The following ARSK variants were observed in gnomAD, a reference collection of about 807,000 sequenced individuals.
The protein encoded by ARSK is arylsulfatase K.
In ARSK, 37 loss-of-function variants were observed where a neutral mutation model predicts 53.2. That is an observed-to-expected ratio of 0.70 (90% CI 0.54 to 0.92). The LOEUF (loss-of-function observed/expected upper bound fraction) is 0.92, where lower values mean the gene tolerates loss of function less well. ARSK is among the 40% of genes least tolerant of loss of function. The probability of loss-of-function intolerance (pLI) is 0.00; values close to 1 mark genes in which losing one functional copy is unlikely to be tolerated. For synonymous variants in ARSK, 208 were observed against 223.2 expected, an observed-to-expected ratio of 0.93 and a Z score of 0.61; for missense variants, 613 against 643.0, an observed-to-expected ratio of 0.95 and a Z score of 0.51.
chr5:95,601,185 T>G (rs1749397485), intron 7 of ARSK, 114 bp downstream of exon 7: 1 of 1,039,122 alleles, frequency 9.6e-7, no homozygotes, highest in African/African-American at 1.6e-5. Flanking sequence ...CTGCTGCTTC[T>G]CATGCTAGGA....
rs570813944 is a variant in ARSK at position 95,563,076 on chromosome 5, G to A, written c.127-2922G>A. Among the ~76,000 whole-genome samples the A allele has an allele frequency of 5.9e-5, 9 of 152,292 alleles. No homozygotes were observed. In the East Asian group the frequency reaches 1.7e-3, roughly 29 times the overall value. ...CCGTCTCCCATTGATACCATTATCA[G>A]CAGTACTAGTAGTAGCCTAGTTTTT... On this transcript the variant is annotated intron_variant, in intron 1 of 7. Coordinates refer to ENST00000380009, the MANE Select transcript of ARSK (RefSeq NM_198150.3).
At chr5:95,559,150 A>G (rs1025016464) in intron 1 of ARSK, among the ~76,000 whole-genome samples, 8 of 152,206 alleles carry the variant, frequency 5.3e-5, no homozygotes, top group Non-Finnish European at 1.2e-4. Flanking sequence ...CAAAAAACAA[A>G]AACAAAAAAA....
intron 6 of ARSK, among the ~76,000 whole-genome samples, chr5:95,597,915 G>C (rs1749341281): frequency 7.4e-6 from 1 of 134,496 alleles, no homozygotes; most frequent in South Asian, 2.6e-4. Context: ...GTGGGGGGCG[G>C]GTAATAGTGG....
chr5:95,566,985 A>C (rs1255334924), intron 2 of ARSK, among the ~76,000 whole-genome samples: 1 of 152,234 alleles, frequency 6.6e-6, no homozygotes, highest in Non-Finnish European at 1.5e-5. Context: ...CAGGCATATT[A>C]AAAAACAGTT....
intron 5 of ARSK, among the ~76,000 whole-genome samples, chr5:95,590,313 C>T (rs1283310005): frequency 6.6e-6 from 1 of 152,038 alleles, no homozygotes; most frequent in African/African-American, 2.4e-5. Flanking sequence ...AGGTTCTGAG[C>T]AGGTTAGGAT....
rs1196877834 is a variant in ARSK, at chr5:95,600,986, G to A, written c.1236G>A (p.Val412=). Residue 412 remains valine, a synonymous_variant, in exon 7 of 8, where the codon GTG becomes GTA. Coordinates refer to ENST00000380009, the MANE Select transcript of ARSK (RefSeq NM_198150.3). ...WILSEFHGCN[V]NASTYMLRTN... The stretch of plus-strand genomic sequence containing the variant: ...TGAGTGAATTCCATGGATGTAATGT[G>A]AATGCCTCCACCTACATGCTTCGAA... The A allele has an allele frequency of 6.2e-7, 1 of 1,613,928 alleles. No individual in the cohort carries two copies. The highest frequency in any genetic ancestry group is 1.3e-5 in the African/African-American group (1 of 74,906).
chr5:95,566,662 T>C (rs1028940547), intron 2 of ARSK, among the ~76,000 whole-genome samples: 26 of 152,212 alleles, frequency 1.7e-4, no homozygotes, highest in African/African-American at 6.0e-4. Context: ...CAAATAGGCA[T>C]AGTTTTATTG....
chr5:95,570,338 A>C (rs1748804883), intron 3 of ARSK, among the ~76,000 whole-genome samples: 1 of 152,196 alleles, frequency 6.6e-6, no homozygotes, highest in African/African-American at 2.4e-5. Flanking sequence ...GGACTATTGC[A>C]TGAGCTAGTT....
At chr5:95,602,569 T>C (rs1749421363) in intron 7 of ARSK, among the ~76,000 whole-genome samples, 1 of 152,218 alleles carries the variant, frequency 6.6e-6, no homozygotes, top group Admixed American at 6.5e-5. Flanking sequence ...TTAATTGTCA[T>C]AAGATCTCTG....
In ARSK at chr5:95,564,746, C is replaced by T. The variant is rs370646066; in HGVS notation, c.127-1252C>T. On this transcript the variant is annotated intron_variant, in intron 1 of 7. Transcript: ENST00000380009. The stretch of plus-strand genomic sequence containing the variant: ...CACTGCCTTCTCTCAGCTGTCATGG[C>T]ACTCGGTCTCCTCACATCTTCCTCC... 1.8e-4 allele frequency among the ~76,000 whole-genome samples: 28 copies of T among 152,310 alleles called. 1 individual carries two copies. Among genetic ancestry groups the T allele is most frequent in the Middle Eastern group, 3.4e-3 (1 of 294 alleles).
At chr5:95,569,625 G>A (rs1748790883) in intron 3 of ARSK, among the ~76,000 whole-genome samples, 1 of 152,218 alleles carries the variant, frequency 6.6e-6, no homozygotes. Context: ...TTCTGCCAGA[G>A]TCTTCAGAGG....
At chr5:95,576,597 G>T (rs1235674956) in intron 3 of ARSK, among the ~76,000 whole-genome samples, 2 of 151,632 alleles carry the variant, frequency 1.3e-5, no homozygotes, top group African/African-American at 4.8e-5. Flanking sequence ...AAGTTTTTTG[G>T]ATTGGAACCG....
intron 3 of ARSK, chr5:95,580,841 T>C: frequency 1.8e-6 from 2 of 1,098,464 alleles, no homozygotes; most frequent in Non-Finnish European, 2.4e-6. Flanking sequence ...TTTATACTCA[T>C]GTTCTTCCTC....
rs555474738 is a variant in ARSK at position 95,578,668 on chromosome 5, A to G, written c.417-4248A>G. On this transcript the variant is annotated intron_variant, in intron 3 of 7. Transcript: ENST00000380009. ...GATCACAGAATTCTAAGTCTGAGAT[A>G]GTTAATCATCTTCAGTGGACTCTTA... Among the ~76,000 whole-genome samples, 5 of 152,356 alleles carry G rather than the reference A, an allele frequency of 3.3e-5. No individual in the cohort carries two copies. In the South Asian group the frequency reaches 1.0e-3, roughly 32 times the overall value.
At chr5:95,562,486 A>G (rs572976561) in intron 1 of ARSK, among the ~76,000 whole-genome samples, 3 of 152,308 alleles carry the variant, frequency 2.0e-5, no homozygotes, top group Non-Finnish European at 2.9e-5. Flanking sequence ...CCATGCTGAC[A>G]TGGCAAATTA....
In ARSK at chr5:95,595,020, T is replaced by A. The variant is rs199775442; in HGVS notation, c.1096+3395T>A. Among the ~76,000 whole-genome samples, 16 of 152,308 alleles carry A rather than the reference T, an allele frequency of 1.1e-4. No homozygotes were observed. The East Asian group carries it at 2.3e-3, about 22-fold the overall frequency. On this transcript the variant is annotated intron_variant, in intron 6 of 7. Coordinates refer to ENST00000380009, the MANE Select transcript of ARSK (RefSeq NM_198150.3). ...ATAACCTGTAGATATGCACAAATAT[T>A]TATCTCCCTGGATATTTATTACCAT...
In ARSK at chr5:95,572,362, A is replaced by G. The variant is rs553373641; in HGVS notation, c.416+4313A>G. Among the ~76,000 whole-genome samples, 49 of 152,382 alleles carry G rather than the reference A, an allele frequency of 3.2e-4. 1 individual carries two copies. Among genetic ancestry groups the G allele is most frequent in the African/African-American group, 9.6e-4 (40 of 41,594 alleles). ...AAAAGTTCTTCTACTCTGAAATTCT[A>G]TAACTCCAATGGAGTACAGTTAAGT... is the stretch of plus-strand genomic sequence containing the variant. On this transcript the variant is annotated intron_variant, in intron 3 of 7. Transcript: ENST00000380009.
At chr5:95,585,493 A>G (rs1220137849) in intron 4 of ARSK, among the ~76,000 whole-genome samples, 1 of 152,230 alleles carries the variant, frequency 6.6e-6, no homozygotes, top group Non-Finnish European at 1.5e-5. Flanking sequence ...AGCCGTAAGA[A>G]AGGAATGAAT....
intron 3 of ARSK, among the ~76,000 whole-genome samples, chr5:95,578,213 A>G (rs559533213): frequency 2.0e-5 from 3 of 152,264 alleles, no homozygotes; most frequent in Admixed American, 6.5e-5. Flanking sequence ...GTAAAGTGGC[A>G]GGATCATAGC....
Sources: allele counts gnomAD v4.1 joint callset (sites outside exome capture counted in the v4.1 genomes callset), GRCh38; gene constraint gnomAD v4.1.1; transcripts MANE v1.5; gene names NCBI Gene and HGNC (gene_info 2026-07-23, HGNC 2026-07-21).